The following PRKN variants were observed in gnomAD, a reference collection of about 807,000 sequenced individuals.
PRKN encodes the protein parkin RBR E3 ubiquitin protein ligase, also known as E3 ubiquitin-protein ligase parkin.
In PRKN, 56 loss-of-function variants were observed where a neutral mutation model predicts 59.5. The ratio of observed to expected loss-of-function variants is 0.94; its 90% CI spans 0.76 to 1.18. The LOEUF is 1.18. Ranked by LOEUF, PRKN falls within the 50% of genes most tolerant of loss-of-function variation. PRKN has a pLI of 0.00. For synonymous variants in PRKN, 250 were observed against 222.1 expected, an observed-to-expected ratio of 1.13 and a Z score of -1.12; for missense variants, 657 against 596.4, an observed-to-expected ratio of 1.10 and a Z score of -1.06.
At chr6:162,298,369 C>G (rs1781778478) in intron 2 of PRKN, among the ~76,000 whole-genome samples, 1 of 151,910 alleles carries the variant, frequency 6.6e-6, no homozygotes, top group African/African-American at 2.4e-5. Context: ...AAAGACCTAA[C>G]AATAGTAACA....
At position 161,393,195 on chromosome 6, in the gene PRKN, AG is replaced by A. The variant is rs1162515618; in HGVS notation, c.1084-6319del. Among the ~76,000 whole-genome samples, 1 of 151,780 alleles carries A rather than the reference AG, an allele frequency of 6.6e-6. No individual in the cohort carries two copies. The highest frequency in any genetic ancestry group is 1.5e-5 in the Non-Finnish European group (1 of 67,798). On this transcript the variant is annotated intron_variant, in intron 9 of 11. Coordinates refer to ENST00000366898, the MANE Select transcript of PRKN (RefSeq NM_004562.3). The surrounding 1 kb of genome is among the most constrained non-coding windows in gnomAD (Gnocchi z 4.7). ...CAGTAAACACAACAACACAACAAAT[AG>A]TTTTCTCCATGGGGCTATGATGTTT...
chr6:162,686,478 G>T (rs1293599329), intron 1 of PRKN, among the ~76,000 whole-genome samples: 1 of 152,086 alleles, frequency 6.6e-6, no homozygotes, highest in Non-Finnish European at 1.5e-5. Context: ...CTTGAGACAA[G>T]GTAGGAAAAC....
chr6:161,952,313 C>G (rs976175571), intron 6 of PRKN, among the ~76,000 whole-genome samples: 2 of 152,216 alleles, frequency 1.3e-5, no homozygotes, highest in Non-Finnish European at 2.9e-5. Flanking sequence ...ATATTTCAAA[C>G]TTTATTTAAA....
At chr6:161,715,265 T>C (rs1786925831) in intron 7 of PRKN, among the ~76,000 whole-genome samples, 1 of 152,274 alleles carries the variant, frequency 6.6e-6, no homozygotes, top group East Asian at 1.9e-4. Flanking sequence ...AAGGCAAATA[T>C]AATTTGAATC....
chr6:161,348,637 G>T lies in PRKN; in HGVS notation c.*1462C>A, dbSNP rs11961229. ...CATCCCCTCTCTTCCCTCCAGCAAG[G>T]ATTTCAGTGCTACATCTAAAAAGAG... On this transcript the variant is annotated 3_prime_UTR_variant, in exon 12 of 12. Transcript: ENST00000366898. This position sits in a 1 kb window ranked among gnomAD's most constrained non-coding sequence, Gnocchi z 4.9. 1,212 of 209,954 alleles carry T rather than the reference G, an allele frequency of 5.8e-3. 18 individuals carry two copies. The highest frequency in any genetic ancestry group is 0.026 in the African/African-American group (1,128 of 44,048). The allele number at this position is 209,954 out of a possible 1,614,324, so 13.0% of individuals were successfully genotyped here.
chr6:161,589,297 G>A (rs6927285), intron 7 of PRKN, among the ~76,000 whole-genome samples: 73,038 of 152,000 alleles, frequency 0.48, 19,148 homozygotes, highest in East Asian at 0.63. Flanking sequence ...CACCTGAGAC[G>A]CCCGTATTTT....
rs1376785154 is a variant in PRKN, at chr6:161,480,543, C to T, written c.1083+68311G>A. Among the ~76,000 whole-genome samples the T allele has an allele frequency of 2.0e-5, 3 of 152,222 alleles. No homozygotes were observed. Among genetic ancestry groups the T allele is most frequent in the East Asian group, 1.9e-4 (1 of 5,182 alleles). The stretch of plus-strand genomic sequence containing the variant: ...GATTCCATTGGTATTAATAACACTG[C>T]GATGATGGGTCTTTTGTGCATTCCT... On this transcript the variant is annotated intron_variant, in intron 9 of 11. Transcript: ENST00000366898. This position sits in a 1 kb window ranked among gnomAD's most constrained non-coding sequence, Gnocchi z 4.1.
chr6:162,186,135 T>A (rs1335562813), intron 4 of PRKN, among the ~76,000 whole-genome samples: 2 of 152,068 alleles, frequency 1.3e-5, no homozygotes, highest in Non-Finnish European at 2.9e-5. Context: ...AGACAATGTG[T>A]GTGAAAATAC....
intron 9 of PRKN, among the ~76,000 whole-genome samples, chr6:161,490,344 TCTCTCTCTCTCTCTCC>T (rs1562483259): frequency 2.0e-5 from 3 of 150,502 alleles, no homozygotes; most frequent in African/African-American, 7.3e-5. Context: ...TTGCTTTCTC[TCTCTCTCTCTCTCTCC>T]CTCTCTCTCT....
chr6:162,243,608 T>G (rs532595156), intron 3 of PRKN, among the ~76,000 whole-genome samples: 36 of 152,284 alleles, frequency 2.4e-4, no homozygotes, highest in African/African-American at 8.7e-4. Context: ...AATTAGCTAC[T>G]ATCTTCAAAG....
intron 3 of PRKN, among the ~76,000 whole-genome samples, chr6:162,203,832 C>T (rs1784832201): frequency 6.6e-6 from 1 of 152,106 alleles, no homozygotes; most frequent in Non-Finnish European, 1.5e-5. Flanking sequence ...CTTGATTATC[C>T]CAATAACTAA....
intron 6 of PRKN, among the ~76,000 whole-genome samples, chr6:161,860,141 T>G (rs1793831811): frequency 6.6e-6 from 1 of 152,164 alleles, no homozygotes; most frequent in Non-Finnish European, 1.5e-5. Context: ...AAATATTAAC[T>G]GCAAATTTAA....
chr6:162,611,444 AG>A (rs1246151531), intron 1 of PRKN, among the ~76,000 whole-genome samples: 2 of 152,224 alleles, frequency 1.3e-5, no homozygotes, highest in East Asian at 3.9e-4. Flanking sequence ...AACTGACAAC[AG>A]CTTCCATACA....
At chr6:161,569,506 G>C (rs1780789901) in intron 7 of PRKN, 90 bp from the exon 8 acceptor site, 1 of 1,128,462 alleles carries the variant, frequency 8.9e-7, no homozygotes, top group Non-Finnish European at 1.3e-6. Context: ...TCAACTGCCA[G>C]TGTTGCCTTT....
At chr6:162,113,103 A>C (rs2128302943) in intron 4 of PRKN, among the ~76,000 whole-genome samples, 1 of 152,326 alleles carries the variant, frequency 6.6e-6, no homozygotes. Context: ...TGGACAAATG[A>C]TCTGACATCC....
intron 7 of PRKN, among the ~76,000 whole-genome samples, chr6:161,725,402 T>TG (rs1583059018): frequency 6.6e-6 from 1 of 152,120 alleles, no homozygotes; most frequent in African/African-American, 2.4e-5. Flanking sequence ...CCTGATGAAG[T>TG]GGGGAATCAT....
chr6:161,509,633 A>AC (rs1289970498), intron 9 of PRKN, among the ~76,000 whole-genome samples: 1 of 78,036 alleles, frequency 1.3e-5, no homozygotes, highest in Admixed American at 1.1e-4. Context: ...TAATCTCAAC[A>AC]CTTGGTGAGA....
At chr6:162,132,237 T>C (rs1781392562) in intron 4 of PRKN, among the ~76,000 whole-genome samples, 1 of 152,174 alleles carries the variant, frequency 6.6e-6, no homozygotes, top group African/African-American at 2.4e-5. Flanking sequence ...TGGTGTTGGA[T>C]TGCAGATTCA....
chr6:162,131,192 G>A (rs1226094744), intron 4 of PRKN, among the ~76,000 whole-genome samples: 1 of 152,142 alleles, frequency 6.6e-6, no homozygotes, highest in African/African-American at 2.4e-5. Flanking sequence ...TGCATCAGAT[G>A]CTAGGCATTA....
Sources: allele counts gnomAD v4.1 joint callset (sites outside exome capture counted in the v4.1 genomes callset), GRCh38; gene constraint gnomAD v4.1.1; non-coding constraint Gnocchi (gnomAD v3.1); transcripts MANE v1.5; gene names NCBI Gene and HGNC (gene_info 2026-07-23, HGNC 2026-07-21).